Variants in CUL4A observed in about 807,000 individuals in gnomAD.
CUL4A encodes the protein cullin 4A, also known as cullin-4A.
CUL4A carries 16 observed loss-of-function variants against 95.5 expected under a neutral mutation model. The observed-to-expected ratio is 0.17, with a 90% CI of 0.11 to 0.25. CUL4A has a LOEUF of 0.25. CUL4A is among the 10% of genes least tolerant of loss of function. The pLI, the probability that CUL4A is intolerant of heterozygous loss-of-function variation, is 1.00. For synonymous variants in CUL4A, 380 were observed against 353.1 expected, an observed-to-expected ratio of 1.08 and a Z score of -0.85; for missense variants, 610 against 937.0, an observed-to-expected ratio of 0.65 and a Z score of 4.56.
chr13:113,236,138 G>A (rs1161982130), intron 8 of CUL4A, among the ~76,000 whole-genome samples: 1 of 152,156 alleles, frequency 6.6e-6, no homozygotes, highest in Non-Finnish European at 1.5e-5. Context: ...GGTGCGGAAA[G>A]GGGAAGGATT....
At chr13:113,223,885 C>A (rs1280037388) in intron 3 of CUL4A, among the ~76,000 whole-genome samples, 2 of 152,098 alleles carry the variant, frequency 1.3e-5, no homozygotes, top group Non-Finnish European at 2.9e-5. Context: ...CTTAGCTGTC[C>A]GTTTCAAAAT....
chr13:113,215,860 G>A (rs914589483), intron 2 of CUL4A, among the ~76,000 whole-genome samples: 1 of 147,764 alleles, frequency 6.8e-6, no homozygotes, highest in Non-Finnish European at 1.5e-5. Context: ...TGACTATGGA[G>A]GTCTCGTCCG....
chr13:113,218,482 G>T (rs144672331), intron 2 of CUL4A, among the ~76,000 whole-genome samples: 2 of 152,278 alleles, frequency 1.3e-5, no homozygotes, highest in East Asian at 3.9e-4. Context: ...TGAGGGAAAA[G>T]ATTTTCTTGG....
At chr13:113,218,346 A>G (rs920561404) in intron 2 of CUL4A, among the ~76,000 whole-genome samples, 1 of 152,242 alleles carries the variant, frequency 6.6e-6, no homozygotes, top group Non-Finnish European at 1.5e-5. Flanking sequence ...AGAAAAATAA[A>G]TAGGAAACAA....
At chr13:113,260,520 A>T in intron 18 of CUL4A, 87 bp from the exon 19 acceptor site, 3 of 1,228,370 alleles carry the variant, frequency 2.4e-6, no homozygotes. Flanking sequence ...ATTGCACTCT[A>T]GCCCAGGCAA....
intron 3 of CUL4A, among the ~76,000 whole-genome samples, chr13:113,225,435 A>G (rs957505706): frequency 6.6e-6 from 1 of 152,126 alleles, no homozygotes; most frequent in African/African-American, 2.4e-5. Flanking sequence ...TTGATTGAGG[A>G]TCTATATTGA....
At chr13:113,237,642 A>G (rs1260546203) in intron 9 of CUL4A, among the ~76,000 whole-genome samples, 1 of 152,238 alleles carries the variant, frequency 6.6e-6, no homozygotes, top group Non-Finnish European at 1.5e-5. Flanking sequence ...CACTGTTACC[A>G]TTTGAAACAA....
chr13:113,232,780 C>T (rs2041401322), intron 5 of CUL4A, among the ~76,000 whole-genome samples: 1 of 152,068 alleles, frequency 6.6e-6, no homozygotes, highest in South Asian at 2.1e-4. Flanking sequence ...AGAGAGTGTA[C>T]CCTGAGGGCT....
chr13:113,260,221 C>CAAAAAAAAAAAAAAAAAAAAAA, intron 18 of CUL4A, among the ~76,000 whole-genome samples: 1 of 22,406 alleles, frequency 4.5e-5, no homozygotes, highest in African/African-American at 2.1e-4. Flanking sequence ...AAAAAAAAAC[C>CAAAAAAAAAAAAAAAAAAAAAA]ATTTCCCATC....
At chr13:113,227,659 A>C (rs1014539855) in intron 3 of CUL4A, among the ~76,000 whole-genome samples, 6 of 152,140 alleles carry the variant, frequency 3.9e-5, no homozygotes, top group African/African-American at 1.4e-4. Flanking sequence ...TAATCCCGGC[A>C]CTTTGGGAGG....
At chr13:113,212,648 G>A (rs1295958446) in intron 2 of CUL4A, among the ~76,000 whole-genome samples, 4 of 152,176 alleles carry the variant, frequency 2.6e-5, no homozygotes, top group Admixed American at 1.3e-4. Flanking sequence ...AGCCGGGCGT[G>A]GTGGCAGGCA....
At chr13:113,208,554 C>T, upstream of CUL4A, 1 of 1,597,766 alleles carries the variant, frequency 6.3e-7, no homozygotes. Context: ...ACGGAACACG[C>T]CGAGGGCCAA....
chr13:113,227,577 T>G (rs553423009), intron 3 of CUL4A, among the ~76,000 whole-genome samples: 1 of 152,320 alleles, frequency 6.6e-6, no homozygotes, highest in African/African-American at 2.4e-5. Context: ...GTGTGTAGTA[T>G]TCAGTGGAGA....
At chr13:113,242,756 A>T (rs958209385) in intron 10 of CUL4A, among the ~76,000 whole-genome samples, 2 of 152,236 alleles carry the variant, frequency 1.3e-5, no homozygotes, top group African/African-American at 4.8e-5. Context: ...ACCGCACTCC[A>T]GCCTCGGCCG....
Position 113,238,908 on chromosome 13 carries a change from G to C in CUL4A, c.917-525G>C, listed in dbSNP as rs566122536. 3.3e-5 allele frequency among the ~76,000 whole-genome samples: 5 copies of C among 152,226 alleles called. No homozygotes were observed. In the East Asian group the frequency reaches 9.7e-4, roughly 29 times the overall value. ...ATGAGAGTTTTTCTCATTGAGGTAT[G>C]GTTTCAGAAAACCGTTATAAATATT... On this transcript the variant is annotated intron_variant, in intron 9 of 19. Transcript: ENST00000375440.
chr13:113,233,766 C>A (rs1019200588), intron 6 of CUL4A, 131 bp from the exon 7 acceptor site: 5 of 675,090 alleles, frequency 7.4e-6, no homozygotes, highest in Non-Finnish European at 1.3e-5. Context: ...TGCAGCCGGC[C>A]GGCTGGGTGG....
At position 113,258,580 on chromosome 13, in the gene CUL4A, T is replaced by C. The variant is rs112594017; in HGVS notation, c.2032-2027T>C. Among the ~76,000 whole-genome samples the C allele has an allele frequency of 2.3e-3, 343 of 152,370 alleles. 1 individual carries two copies. Among genetic ancestry groups the C allele is most frequent in the African/African-American group, 7.9e-3 (328 of 41,582 alleles). On this transcript the variant is annotated intron_variant, in intron 18 of 19. Transcript: ENST00000375440. ...TTTTCATTCATTCAACAAATACTTA[T>C]TGAGCATCTGTGGTGGCCCAGGTCC... is the stretch of plus-strand genomic sequence containing the variant.
In CUL4A at chr13:113,227,912, A is replaced by AC. The variant is rs1469545681; in HGVS notation, c.369-64_369-63insC. ...GACAGAGCGAGACTCCATCTCAAAA[A>AC]AAAAAAAAAAGGTAATAATTAAATT... On this transcript the variant is annotated intron_variant, in intron 3 of 19. Transcript: ENST00000375440. 2.6e-6 allele frequency: 3 copies of AC among 1,167,740 alleles called. No homozygotes were observed. In the East Asian group the frequency reaches 7.3e-5, roughly 28 times the overall value. The allele number at this position is 1,167,740 out of a possible 1,614,324, so 72.3% of individuals were successfully genotyped here.
intron 7 of CUL4A, among the ~76,000 whole-genome samples, chr13:113,234,300 G>A (rs2139193918): frequency 6.6e-6 from 1 of 152,240 alleles, no homozygotes; most frequent in East Asian, 1.9e-4. Flanking sequence ...AAATATAAAT[G>A]TAAATGATAA....
Sources: allele counts gnomAD v4.1 joint callset (sites outside exome capture counted in the v4.1 genomes callset), GRCh38; gene constraint gnomAD v4.1.1; transcripts MANE v1.5; gene names NCBI Gene and HGNC (gene_info 2026-07-23, HGNC 2026-07-21).